DIAPH3: variants seen among roughly 807,000 people sequenced by gnomAD.
DIAPH3 encodes diaphanous related formin 3.
Under a neutral mutation model 144.3 loss-of-function variants are expected in DIAPH3, and 117 were observed. That is an observed-to-expected ratio of 0.81 (90% CI 0.70 to 0.95). The LOEUF (loss-of-function observed/expected upper bound fraction) is 0.95, where lower values mean the gene tolerates loss of function less well. Among genes scored for constraint, DIAPH3 ranks in the 40% least tolerant of loss-of-function variants. The pLI is 0.00. For missense variants in DIAPH3, 1,421 were observed against 1,412.7 expected (o/e 1.01, Z -0.09); for synonymous variants, 519 against 488.9 (o/e 1.06, Z -0.81).
intron 1 of DIAPH3, among the ~76,000 whole-genome samples, chr13:60,137,922 C>T (rs772290154): frequency 6.6e-6 from 1 of 151,824 alleles, no homozygotes; most frequent in Non-Finnish European, 1.5e-5. Context: ...CAGGGTTTCG[C>T]CATGTTGGCC....
chr13:60,036,330 C>T (rs1227471251), intron 5 of DIAPH3, among the ~76,000 whole-genome samples: 1 of 152,124 alleles, frequency 6.6e-6, no homozygotes, highest in Non-Finnish European at 1.5e-5. Context: ...AATAGAATTG[C>T]TTACAATGAC....
At chr13:60,069,135 C>T (rs1431243964) in intron 4 of DIAPH3, among the ~76,000 whole-genome samples, 1 of 152,122 alleles carries the variant, frequency 6.6e-6, no homozygotes, top group Non-Finnish European at 1.5e-5. Flanking sequence ...TTCACAACCT[C>T]GCCAGCACCA....
At chr13:59,800,254 G>A (rs1400535062) in intron 25 of DIAPH3, among the ~76,000 whole-genome samples, 1 of 152,194 alleles carries the variant, frequency 6.6e-6, no homozygotes, top group Admixed American at 6.5e-5. Flanking sequence ...AACACCATGA[G>A]ATATATTTTC....
At chr13:59,790,441 A>G (rs1251359382) in intron 25 of DIAPH3, among the ~76,000 whole-genome samples, 1 of 152,210 alleles carries the variant, frequency 6.6e-6, no homozygotes, top group Non-Finnish European at 1.5e-5. Flanking sequence ...AATTTTTACC[A>G]GGCTCAAGTT....
At chr13:59,701,485 G>A (rs980597435) in intron 27 of DIAPH3, among the ~76,000 whole-genome samples, 3 of 152,164 alleles carry the variant, frequency 2.0e-5, no homozygotes, top group African/African-American at 7.2e-5. Context: ...GAGGTCAGAG[G>A]CCAAGTGTGT....
At chr13:59,699,792 C>T (rs1289090931) in intron 27 of DIAPH3, among the ~76,000 whole-genome samples, 2 of 152,114 alleles carry the variant, frequency 1.3e-5, no homozygotes, top group African/African-American at 4.8e-5. Context: ...TATTATTTTT[C>T]TTCCAAACTT....
intron 20 of DIAPH3, among the ~76,000 whole-genome samples, chr13:59,880,392 T>C (rs1293387231): frequency 1.3e-5 from 2 of 152,018 alleles, no homozygotes; most frequent in Non-Finnish European, 2.9e-5. Context: ...ATTGTAAATA[T>C]CAAAAGCAGG....
At chr13:59,709,865 A>G (rs1016072402) in intron 27 of DIAPH3, among the ~76,000 whole-genome samples, 14 of 152,282 alleles carry the variant, frequency 9.2e-5, no homozygotes, top group African/African-American at 3.4e-4. Flanking sequence ...ACAATGATAG[A>G]CTGGATTAAG....
At chr13:59,742,317 A>G (rs1243832548) in intron 27 of DIAPH3, among the ~76,000 whole-genome samples, 1 of 151,158 alleles carries the variant, frequency 6.6e-6, no homozygotes, top group Non-Finnish European at 1.5e-5. Flanking sequence ...AGAAATGAAG[A>G]CCCAAAGAAA....
At chr13:59,869,897 G>T (rs860570) in intron 21 of DIAPH3, among the ~76,000 whole-genome samples, 3 of 152,058 alleles carry the variant, frequency 2.0e-5, no homozygotes, top group South Asian at 2.1e-4. Context: ...CCTTTATCAG[G>T]TATGTGTTTT....
At chr13:59,672,057 G>GTA (rs1353821609) in intron 27 of DIAPH3, among the ~76,000 whole-genome samples, 1 of 152,160 alleles carries the variant, frequency 6.6e-6, no homozygotes, top group African/African-American at 2.4e-5. Context: ...AAAGAATTAT[G>GTA]TATATATATG....
intron 14 of DIAPH3, among the ~76,000 whole-genome samples, chr13:59,976,424 C>T (rs1021024320): frequency 1.3e-5 from 2 of 151,848 alleles, no homozygotes; most frequent in Non-Finnish European, 2.9e-5. Context: ...TCACACCAGC[C>T]ATTTTAAAAA....
At chr13:59,871,373 A>C (rs972389060) in intron 21 of DIAPH3, among the ~76,000 whole-genome samples, 15 of 152,156 alleles carry the variant, frequency 9.9e-5, no homozygotes, top group Non-Finnish European at 1.9e-4. Flanking sequence ...CATTGCTTCC[A>C]GTTTTAGGGA....
chr13:60,096,387 C>T (rs996463393), intron 3 of DIAPH3, among the ~76,000 whole-genome samples: 5 of 152,170 alleles, frequency 3.3e-5, no homozygotes, highest in Non-Finnish European at 5.9e-5. Context: ...AAGGCCTCTG[C>T]TTTCTTTTTG....
intron 27 of DIAPH3, among the ~76,000 whole-genome samples, chr13:59,758,178 T>G (rs920922170): frequency 6.6e-6 from 1 of 152,172 alleles, no homozygotes; most frequent in Non-Finnish European, 1.5e-5. Flanking sequence ...AAGCTGAATA[T>G]ATGCATATCC....
intron 18 of DIAPH3, among the ~76,000 whole-genome samples, chr13:59,917,889 C>CAAAAAAAAAAAAAA (rs60792156): frequency 5.4e-5 from 1 of 18,642 alleles, no homozygotes; most frequent in African/African-American, 1.6e-4. Flanking sequence ...GACTCTGTCT[C>CAAAAAAAAAAAAAA]AAAAAAAAAA....
At chr13:59,848,300 G>C (rs1467620851) in intron 22 of DIAPH3, among the ~76,000 whole-genome samples, 1 of 117,494 alleles carries the variant, frequency 8.5e-6, no homozygotes. Flanking sequence ...TCAGAGTAAA[G>C]TCAAATCTTT....
chr13:59,879,533 G>A (rs2044868431), intron 20 of DIAPH3, 65 bp from the exon 21 acceptor site: 4 of 1,598,210 alleles, frequency 2.5e-6, no homozygotes, highest in Non-Finnish European at 3.4e-6. Context: ...CTGTACGACT[G>A]CAAGTAATCT....
At chr13:59,918,462 T>A (rs1007748653) in intron 18 of DIAPH3, among the ~76,000 whole-genome samples, 1 of 152,060 alleles carries the variant, frequency 6.6e-6, no homozygotes, top group African/African-American at 2.4e-5. Flanking sequence ...GCGACCTTCG[T>A]TTACAGAAAA....
Sources: allele counts gnomAD v4.1 joint callset (sites outside exome capture counted in the v4.1 genomes callset), GRCh38; gene constraint gnomAD v4.1.1; transcripts MANE v1.5; gene names NCBI Gene and HGNC (gene_info 2026-07-23, HGNC 2026-07-21).